GALNTL6: variants seen among roughly 807,000 people sequenced by gnomAD.
GALNTL6 encodes the protein polypeptide N-acetylgalactosaminyltransferase-like 6.
In GALNTL6, 46 loss-of-function variants were observed where a neutral mutation model predicts 73.7. That is an observed-to-expected ratio of 0.62 (90% confidence interval 0.49 to 0.80). GALNTL6 has a LOEUF of 0.80. Ranked by LOEUF, GALNTL6 falls within the 30% of genes least tolerant of loss-of-function variation. GALNTL6 has a pLI of 0.00. For synonymous variants in GALNTL6, 259 were observed against 263.7 expected, an observed-to-expected ratio of 0.98 and a Z score of 0.17; for missense variants, 604 against 755.0, an observed-to-expected ratio of 0.80 and a Z score of 2.34.
rs1246699888 is a variant in GALNTL6 at position 172,149,431 on chromosome 4, T to TTC, written c.139-80211_139-80210dup. 4.6e-5 allele frequency among the ~76,000 whole-genome samples: 7 copies of TTC among 151,230 alleles called. No individual in the cohort carries two copies. In the East Asian group the frequency reaches 1.2e-3, roughly 25 times the overall value. On this transcript the variant is annotated intron_variant, in intron 2 of 12. Coordinates refer to ENST00000506823, the MANE Select transcript of GALNTL6 (RefSeq NM_001034845.3). Reference sequence around the variant, plus strand: ...GCAGCCATGACCTATGGGACATATCTTCTCTCTCTCTCTCTAGGTCCCTTT... The same window carrying TTC: ...GCAGCCATGACCTATGGGACATATCTTCTCTCTCTCTCTCTCTAGGTCCCTTT...
At chr4:172,194,490 G>A (rs1206323556) in intron 2 of GALNTL6, among the ~76,000 whole-genome samples, 2 of 151,996 alleles carry the variant, frequency 1.3e-5, no homozygotes, top group South Asian at 2.1e-4. Context: ...CAACCACAAG[G>A]CACATAAACT....
At chr4:171,935,696 G>C (rs1041269328) in intron 2 of GALNTL6, among the ~76,000 whole-genome samples, 1 of 152,038 alleles carries the variant, frequency 6.6e-6, no homozygotes, top group Admixed American at 6.6e-5. Flanking sequence ...CTATATTTTT[G>C]ATAACACTTT....
At chr4:172,920,204 A>G (rs1747725399) in intron 8 of GALNTL6, among the ~76,000 whole-genome samples, 1 of 152,156 alleles carries the variant, frequency 6.6e-6, no homozygotes, top group African/African-American at 2.4e-5. Flanking sequence ...TTCTACTTTT[A>G]TTTCATTCTG....
At chr4:171,976,946 A>C (rs1739740535) in intron 2 of GALNTL6, among the ~76,000 whole-genome samples, 1 of 152,192 alleles carries the variant, frequency 6.6e-6, no homozygotes, top group Non-Finnish European at 1.5e-5. Context: ...AGTCAGAAGT[A>C]TTCTATCACC....
At chr4:172,126,288 A>G (rs1733291039) in intron 2 of GALNTL6, among the ~76,000 whole-genome samples, 1 of 152,170 alleles carries the variant, frequency 6.6e-6, no homozygotes, top group African/African-American at 2.4e-5. Flanking sequence ...TAGACATTTA[A>G]TGAGTATCTA....
intron 2 of GALNTL6, among the ~76,000 whole-genome samples, chr4:172,042,557 A>G (rs1208000602): frequency 6.6e-6 from 1 of 151,798 alleles, no homozygotes; most frequent in Non-Finnish European, 1.5e-5. Context: ...TGTGTTCCCT[A>G]TTTTGGCATA....
chr4:172,326,740 G>A (rs892190888), intron 4 of GALNTL6, among the ~76,000 whole-genome samples: 1 of 151,890 alleles, frequency 6.6e-6, no homozygotes, highest in East Asian at 1.9e-4. Context: ...GTATTATTTA[G>A]TCTACTTTTT....
Position 172,209,104 on chromosome 4 carries a change from A to G in GALNTL6, c.139-20552A>G, listed in dbSNP as rs146807681. ...AAATTACAAGGACGTCTAATTGCAA[A>G]GAATAATATTTGCTCAAGATGTTAA... On this transcript the variant is annotated intron_variant, in intron 2 of 12. Coordinates refer to ENST00000506823, the MANE Select transcript of GALNTL6 (RefSeq NM_001034845.3). 9.7e-4 allele frequency among the ~76,000 whole-genome samples: 148 copies of G among 152,242 alleles called. 3 individuals are homozygous for G. In the East Asian group the frequency reaches 0.027, roughly 28 times the overall value.
chr4:171,886,414 A>G (rs75620907), intron 2 of GALNTL6, among the ~76,000 whole-genome samples: 267 of 152,332 alleles, frequency 1.8e-3, no homozygotes, highest in Admixed American at 4.7e-3. Flanking sequence ...CAAAAGACTG[A>G]GAAGATGTAT....
At chr4:172,314,669 G>A (rs1230970639) in intron 4 of GALNTL6, among the ~76,000 whole-genome samples, 1 of 126,660 alleles carries the variant, frequency 7.9e-6, no homozygotes, top group African/African-American at 3.1e-5. Context: ...TGGCAATGAT[G>A]CGATCTTGGC....
rs568579805 is a variant in GALNTL6, at chr4:172,914,733, A to C, written c.1042-16428A>C. On this transcript the variant is annotated intron_variant, in intron 8 of 12. Transcript: ENST00000506823. ...ATGTATATGCACCCAATACAGGAGCACCCAGATTCATAAAGCAAGTCCTTA... is the reference window on the plus strand; with the variant it reads ...ATGTATATGCACCCAATACAGGAGCCCCCAGATTCATAAAGCAAGTCCTTA... 2.2e-4 allele frequency among the ~76,000 whole-genome samples: 33 copies of C among 152,356 alleles called. No individual in the cohort carries two copies. The South Asian group carries it at 6.0e-3, about 28-fold the overall frequency.
intron 5 of GALNTL6, among the ~76,000 whole-genome samples, chr4:172,575,523 G>T (rs1253888344): frequency 6.6e-6 from 1 of 152,150 alleles, no homozygotes; most frequent in Non-Finnish European, 1.5e-5. Flanking sequence ...AAGAGATAGA[G>T]ATATTATTTA....
At chr4:172,458,935 C>T (rs1732509336) in intron 5 of GALNTL6, among the ~76,000 whole-genome samples, 1 of 152,138 alleles carries the variant, frequency 6.6e-6, no homozygotes, top group South Asian at 2.1e-4. Context: ...GGCCAATATC[C>T]TCGATGAATA....
intron 2 of GALNTL6, among the ~76,000 whole-genome samples, chr4:172,199,445 A>C (rs1257106456): frequency 6.6e-6 from 1 of 152,160 alleles, no homozygotes; most frequent in African/African-American, 2.4e-5. Context: ...TTATCTCACA[A>C]ATTTTGTGCT....
chr4:172,864,108 C>T (rs1269142161), intron 7 of GALNTL6, among the ~76,000 whole-genome samples: 2 of 152,178 alleles, frequency 1.3e-5, no homozygotes, highest in African/African-American at 4.8e-5. Context: ...CCTCCCCAGC[C>T]ATGTGGAACT....
chr4:173,034,003 A>C (rs765326896), intron 12 of GALNTL6, among the ~76,000 whole-genome samples: 7 of 152,120 alleles, frequency 4.6e-5, no homozygotes, highest in Non-Finnish European at 8.8e-5. Flanking sequence ...CCTAAAACTG[A>C]ACTCATTATC....
intron 5 of GALNTL6, among the ~76,000 whole-genome samples, chr4:172,458,975 G>A (rs575865541): frequency 1.5e-4 from 23 of 152,210 alleles, no homozygotes; most frequent in Middle Eastern, 3.4e-3. Flanking sequence ...TAAAATACTG[G>A]CAAACTAAAT....
intron 2 of GALNTL6, among the ~76,000 whole-genome samples, chr4:172,065,897 G>A (rs557807067): frequency 7.2e-5 from 11 of 152,136 alleles, no homozygotes; most frequent in Non-Finnish European, 1.3e-4. Context: ...ACTCACTATC[G>A]TGAGAACAGC....
chr4:172,516,128 T>C (rs569479458), intron 5 of GALNTL6, among the ~76,000 whole-genome samples: 1 of 152,330 alleles, frequency 6.6e-6, no homozygotes, highest in South Asian at 2.1e-4. Flanking sequence ...TTATTAAATA[T>C]TTAATCTATT....
Sources: allele counts gnomAD v4.1 joint callset (sites outside exome capture counted in the v4.1 genomes callset), GRCh38; gene constraint gnomAD v4.1.1; transcripts MANE v1.5; gene names NCBI Gene and HGNC (gene_info 2026-07-23, HGNC 2026-07-21).